The following MAN1C1 variants were observed in gnomAD, a reference collection of about 807,000 sequenced individuals.
MAN1C1 encodes mannosidase alpha class 1C member 1.
Under a neutral mutation model 71.5 loss-of-function variants are expected in MAN1C1, and 49 were observed. That is an observed-to-expected ratio of 0.69 (90% confidence interval 0.54 to 0.87). MAN1C1 has a LOEUF of 0.87. Ranked by LOEUF, MAN1C1 falls within the 40% of genes least tolerant of loss-of-function variation. The pLI, the probability that MAN1C1 is intolerant of heterozygous loss-of-function variation, is 0.00. For missense variants in MAN1C1, 743 were observed against 835.0 expected, an observed-to-expected ratio of 0.89 and a Z score of 1.36; for synonymous variants, 352 against 343.7, an observed-to-expected ratio of 1.02 and a Z score of -0.27.
intron 2 of MAN1C1, among the ~76,000 whole-genome samples, chr1:25,703,007 C>T (rs529179965): frequency 2.9e-3 from 437 of 152,338 alleles, no homozygotes; most frequent in Admixed American, 5.2e-3. Context: ...AGGGCTTTTG[C>T]AAATGTAGAC....
At chr1:25,676,106 G>A (rs1047650988) in intron 1 of MAN1C1, among the ~76,000 whole-genome samples, 1 of 152,148 alleles carries the variant, frequency 6.6e-6, no homozygotes, top group African/African-American at 2.4e-5. Flanking sequence ...GAGTTTCTCT[G>A]CCTGTATGGC....
At chr1:25,723,174 G>A (rs918699619) in intron 2 of MAN1C1, among the ~76,000 whole-genome samples, 4 of 152,286 alleles carry the variant, frequency 2.6e-5, no homozygotes, top group African/African-American at 4.8e-5. Flanking sequence ...TTCACTTACC[G>A]CCTCTGCTCC....
intron 5 of MAN1C1, among the ~76,000 whole-genome samples, chr1:25,758,302 T>C (rs2047315843): frequency 1.3e-5 from 2 of 152,316 alleles, no homozygotes; most frequent in Admixed American, 6.5e-5. Context: ...GCATAACTCT[T>C]GTACCAGGTC....
chr1:25,640,993 C>T (rs979365342), intron 1 of MAN1C1, among the ~76,000 whole-genome samples: 2 of 152,102 alleles, frequency 1.3e-5, no homozygotes, highest in Non-Finnish European at 2.9e-5. Flanking sequence ...CTAATAGGAG[C>T]GGGATTCAGG....
intron 1 of MAN1C1, 88 bp from the exon 2 acceptor site, chr1:25,686,352 C>A: frequency 9.4e-7 from 1 of 1,066,366 alleles, no homozygotes. Context: ...AGTTTAAAAA[C>A]ACGTTGCAAG....
chr1:25,749,358 C>G, intron 4 of MAN1C1, 23 bp downstream of exon 4: 2 of 1,576,900 alleles, frequency 1.3e-6, no homozygotes, highest in Non-Finnish European at 1.7e-6. Context: ...TTCATGACCC[C>G]TGAACTGTCC....
In MAN1C1 at chr1:25,776,872, C is replaced by A. The variant is rs2047625788; in HGVS notation, c.1258-1233C>A. 6.6e-6 allele frequency among the ~76,000 whole-genome samples: 1 copy of A among 152,146 alleles called. No homozygotes were observed. Among genetic ancestry groups the A allele is most frequent in the Non-Finnish European group, 1.5e-5 (1 of 68,030 alleles). On this transcript the variant is annotated intron_variant, in intron 8 of 11. Coordinates refer to ENST00000374332, the MANE Select transcript of MAN1C1 (RefSeq NM_020379.4). The surrounding 1 kb of genome is among the most constrained non-coding windows in gnomAD (Gnocchi z 4.3). ...GTGCTGGGAAATAGGCCAAGTCCTG[C>A]AGGCATATCTCATTTAATTCTCACA...
chr1:25,650,204 A>G (rs2045672399), intron 1 of MAN1C1, among the ~76,000 whole-genome samples: 2 of 152,184 alleles, frequency 1.3e-5, no homozygotes, highest in South Asian at 2.1e-4. Context: ...CCAAAAGACA[A>G]TGTCCTTCTT....
chr1:25,704,326 C>T (rs1395655889), intron 2 of MAN1C1, among the ~76,000 whole-genome samples: 1 of 152,202 alleles, frequency 6.6e-6, no homozygotes, highest in Non-Finnish European at 1.5e-5. Flanking sequence ...TCTGAGCTGC[C>T]TCCAAGCCAG....
At chr1:25,754,045 G>T (rs912864878) in intron 5 of MAN1C1, among the ~76,000 whole-genome samples, 1 of 152,126 alleles carries the variant, frequency 6.6e-6, no homozygotes. Flanking sequence ...CCCTGAAGCT[G>T]CTAGGAGATC....
chr1:25,686,581 C>T (rs2046234835), intron 2 of MAN1C1, 45 bp downstream of exon 2: 1 of 1,540,418 alleles, frequency 6.5e-7, no homozygotes, highest in South Asian at 1.1e-5. Flanking sequence ...GACCCACCGC[C>T]CCGCCAGTGG....
In MAN1C1 at chr1:25,778,011, A is replaced by G; in HGVS notation, c.1258-94A>G. On this transcript the variant is annotated intron_variant, in intron 8 of 11. Transcript: ENST00000374332. This position sits in a 1 kb window ranked among gnomAD's most constrained non-coding sequence, Gnocchi z 5.5. ...AGGGCTTGGCAGAGCTGCCCTTGCT[A>G]CTGTCTCCAAAATGTTCATTTTCCA... 2 of 964,734 alleles carry G rather than the reference A, an allele frequency of 2.1e-6. No individual in the cohort carries two copies. The highest frequency in any genetic ancestry group is 3.0e-6 in the Non-Finnish European group (2 of 657,484). The allele number at this position is 964,734 out of a possible 1,614,324, so 59.8% of individuals were successfully genotyped here. A position where few individuals can be genotyped will look rare whatever the true frequency, so the allele number is the denominator to read the frequency against.
At chr1:25,695,261 G>A (rs187853015) in intron 2 of MAN1C1, among the ~76,000 whole-genome samples, 69 of 152,210 alleles carry the variant, frequency 4.5e-4, no homozygotes, top group Non-Finnish European at 8.1e-4. Flanking sequence ...GGATAGAATG[G>A]GTCAGGCTTA....
chr1:25,734,067 G>C (rs1338070926), intron 2 of MAN1C1, among the ~76,000 whole-genome samples: 1 of 152,004 alleles, frequency 6.6e-6, no homozygotes, highest in East Asian at 1.9e-4. Flanking sequence ...CCAAGGTGCT[G>C]GGATTACAGG....
intron 1 of MAN1C1, among the ~76,000 whole-genome samples, chr1:25,672,035 A>T (rs528330162): frequency 6.6e-6 from 1 of 152,234 alleles, no homozygotes; most frequent in Non-Finnish European, 1.5e-5. Context: ...GCTCAGTCCA[A>T]GCCCAACGGC....
chr1:25,683,796 C>G (rs1358966396), intron 1 of MAN1C1, among the ~76,000 whole-genome samples: 2 of 152,142 alleles, frequency 1.3e-5, no homozygotes, highest in Non-Finnish European at 1.5e-5. Context: ...CCCTTCATCC[C>G]CTGTCCCCTG....
At chr1:25,632,865 ATTTTTTT>A (rs33924292) in intron 1 of MAN1C1, among the ~76,000 whole-genome samples, 1 of 113,102 alleles carries the variant, frequency 8.8e-6, no homozygotes. Context: ...TACAATTTTG[ATTTTTTT>A]TTTTTTTTTT....
At chr1:25,772,235 C>T (rs1395877131) in intron 8 of MAN1C1, 1 of 159,634 alleles carries the variant, frequency 6.3e-6, no homozygotes, top group African/African-American at 2.4e-5. Context: ...TGGAAGAGGC[C>T]TCCTTCAGTG....
chr1:25,747,317 C>G (rs1434689377), intron 3 of MAN1C1, among the ~76,000 whole-genome samples: 1 of 152,252 alleles, frequency 6.6e-6, no homozygotes, highest in Non-Finnish European at 1.5e-5. Flanking sequence ...TGCAGGCACA[C>G]TTGGTCAGGG....
Sources: allele counts gnomAD v4.1 joint callset (sites outside exome capture counted in the v4.1 genomes callset), GRCh38; gene constraint gnomAD v4.1.1; non-coding constraint Gnocchi (gnomAD v3.1); transcripts MANE v1.5; gene names NCBI Gene and HGNC (gene_info 2026-07-23, HGNC 2026-07-21).